The following TMEM220 variants were observed in gnomAD, a reference collection of about 807,000 sequenced individuals.
The protein encoded by TMEM220 is transmembrane protein 220.
TMEM220 carries 21 observed loss-of-function variants against 21.7 expected under a neutral mutation model. The observed-to-expected ratio is 0.97, with a 90% CI of 0.69 to 1.39. The LOEUF is 1.39. TMEM220 is among the 40% of genes most tolerant of loss of function. The pLI is 0.00. For synonymous variants in TMEM220, 80 were observed against 73.6 expected, an observed-to-expected ratio of 1.09 and a Z score of -0.45; for missense variants, 191 against 201.9, an observed-to-expected ratio of 0.95 and a Z score of 0.33.
intron 1 of TMEM220, among the ~76,000 whole-genome samples, 200 bp downstream of exon 1, chr17:10,729,580 G>A (rs1021098548): frequency 2.0e-5 from 3 of 152,162 alleles, no homozygotes; most frequent in Non-Finnish European, 4.4e-5. Flanking sequence ...GCCCTGGTAT[G>A]GGACTCGCTT....
chr17:10,714,855 AGGAC>A lies in TMEM220; in HGVS notation c.*594_*597del, dbSNP rs2074891208. 1 of 152,118 alleles carries A rather than the reference AGGAC, an allele frequency of 6.6e-6. No homozygotes were observed. The highest frequency in any genetic ancestry group is 1.5e-5 in the Non-Finnish European group (1 of 68,260). The allele number at this position is 152,118 out of a possible 1,614,324, so 9.4% of individuals were successfully genotyped here. A position where few individuals can be genotyped will look rare whatever the true frequency, so the allele number is the denominator to read the frequency against. ...AGGATCACCTGAGCCCCGGGAGGTC[AGGAC>A]TGCAGTGAGCCATGATCATGCCACT... On this transcript the variant is annotated 3_prime_UTR_variant, in exon 6 of 6. Transcript: ENST00000341871.
downstream of TMEM220, among the ~76,000 whole-genome samples, chr17:10,711,744 T>C (rs1402638344): frequency 6.6e-6 from 1 of 152,254 alleles, no homozygotes; most frequent in African/African-American, 2.4e-5. Context: ...TGGCCTGGTC[T>C]GTTTGGGCCA....
At chr17:10,720,803 A>ATT (rs2074979466) in intron 5 of TMEM220, among the ~76,000 whole-genome samples, 1 of 152,162 alleles carries the variant, frequency 6.6e-6, no homozygotes, top group Admixed American at 6.5e-5. Context: ...ACAAAAACAA[A>ATT]CAAGAGAACC....
chr17:10,711,236 C>G (rs567932336), downstream of TMEM220: 16 of 976,508 alleles, frequency 1.6e-5, no homozygotes, highest in African/African-American at 2.0e-4. Flanking sequence ...GTTTAGTATT[C>G]AGCTTGCATA....
At chr17:10,716,546 A>C (rs916986325) in intron 5 of TMEM220, 5 of 603,692 alleles carry the variant, frequency 8.3e-6, no homozygotes, top group African/African-American at 7.4e-5. Context: ...TGAACTTCTA[A>C]AAGAAAGCTG....
intron 5 of TMEM220, chr17:10,716,611 G>A: frequency 2.4e-6 from 1 of 424,638 alleles, no homozygotes; most frequent in South Asian, 2.0e-5. Flanking sequence ...ATAGACCTGT[G>A]ATCCCCTTGG....
downstream of TMEM220, chr17:10,711,188 CCCTCCT>C: frequency 6.9e-7 from 1 of 1,453,910 alleles, no homozygotes; most frequent in South Asian, 1.3e-5. Flanking sequence ...TTGTGTTTGT[CCCTCCT>C]AAACAAAAAA....
chr17:10,728,598 A>G (rs1332936670), intron 2 of TMEM220, among the ~76,000 whole-genome samples: 2 of 152,118 alleles, frequency 1.3e-5, no homozygotes, highest in Non-Finnish European at 2.9e-5. Flanking sequence ...GGCGTGAGCC[A>G]CCTTGCCCAG....
intron 1 of TMEM220, among the ~76,000 whole-genome samples, chr17:10,729,558 T>C (rs1314464206): frequency 1.3e-5 from 2 of 152,264 alleles, no homozygotes; most frequent in South Asian, 4.1e-4. Flanking sequence ...ACCAGCCCCT[T>C]CCAGGGTGTG....
chr17:10,725,065 G>A lies in TMEM220; in HGVS notation c.233C>T (p.Ala78Val), dbSNP rs140766709. The change falls in exon 4 of 6, where the codon GCG (alanine) becomes GTG (valine). Residue 78 changes from alanine (A) to valine (V), a missense_variant. By Grantham distance (64) the Ala-to-Val change is moderately conservative. Transcript: ENST00000341871. The part of the protein sequence containing the change: ...LFCTVWAVGL[A>V]SYLLHRTQQN... Reference sequence around the variant, plus strand: ...TTGTGTACGATGCAAGAGGTAGGACGCCAAGCCAACAGCCCACACCGTACA... The same window carrying A: ...TTGTGTACGATGCAAGAGGTAGGACACCAAGCCAACAGCCCACACCGTACA... 1.3e-5 allele frequency: 21 copies of A among 1,614,070 alleles called. No homozygotes were observed. Among genetic ancestry groups the A allele is most frequent in the African/African-American group, 1.2e-4 (9 of 74,986 alleles).
chr17:10,728,278 CTTTTCTTTGCTTTTTTTTTTTCTTTT>C (rs2075072644), intron 2 of TMEM220, among the ~76,000 whole-genome samples: 2 of 147,590 alleles, frequency 1.4e-5, no homozygotes, highest in Non-Finnish European at 3.0e-5. Context: ...GGATTTAATA[CTTTTCTTTGCTTTTTTTTTTTCTTTT>C]TTTTCTTTGC....
At chr17:10,727,344 C>T (rs2075060277) in intron 2 of TMEM220, among the ~76,000 whole-genome samples, 1 of 151,952 alleles carries the variant, frequency 6.6e-6, no homozygotes, top group Non-Finnish European at 1.5e-5. Flanking sequence ...CTCTCCAAGG[C>T]AGTGGTAAGG....
chr17:10,729,026 C>T lies in TMEM220; in HGVS notation c.102+5G>A. ...GAGGAAAGCCTGGAAGCGGCTCATA[C>T]TCACCACCCACACCTCTGCATCTGG... On this transcript the variant is annotated splice_donor_5th_base_variant and intron_variant, in intron 2 of 5. Transcript: ENST00000341871. 6.2e-7 allele frequency: 1 copy of T among 1,614,194 alleles called. No homozygotes were observed. Among genetic ancestry groups the T allele is most frequent in the South Asian group, 1.1e-5 (1 of 91,082 alleles).
At chr17:10,728,117 G>A (rs529381943) in intron 2 of TMEM220, among the ~76,000 whole-genome samples, 34 of 150,992 alleles carry the variant, frequency 2.3e-4, no homozygotes, top group Admixed American at 8.6e-4. Flanking sequence ...CCTAGATTGC[G>A]CCATTGCACT....
chr17:10,726,139 T>C, intron 3 of TMEM220, 65 bp downstream of exon 3: 2 of 1,368,858 alleles, frequency 1.5e-6, no homozygotes, highest in Non-Finnish European at 2.1e-6. Flanking sequence ...GTTGGGCAGA[T>C]AGACCCTCAT....
intron 5 of TMEM220, among the ~76,000 whole-genome samples, chr17:10,721,679 G>C (rs1457958428): frequency 6.8e-6 from 1 of 147,820 alleles, no homozygotes; most frequent in African/African-American, 2.5e-5. Flanking sequence ...ATAAGGTTCA[G>C]ATAAAACAAG....
intron 1 of TMEM220, 113 bp downstream of exon 1, chr17:10,729,667 C>T: frequency 1.1e-6 from 1 of 911,202 alleles, no homozygotes. Context: ...TCCCGTCCTC[C>T]CCACTAACTG....
chr17:10,721,149 G>A lies in TMEM220; in HGVS notation c.347+2121C>T, dbSNP rs187928662. 2.7e-3 allele frequency among the ~76,000 whole-genome samples: 404 copies of A among 152,162 alleles called. 5 individuals carry two copies. The highest frequency in any genetic ancestry group is 3.4e-3 in the Middle Eastern group (1 of 294). ...AAACATGATCCTGGGTATAACATGC[G>A]CCTGGAACATCTTGTCATACCAGAA... On this transcript the variant is annotated intron_variant, in intron 5 of 5. Coordinates refer to ENST00000341871, the MANE Select transcript of TMEM220 (RefSeq NM_001004313.3).
chr17:10,725,586 T>C (rs984752812), intron 3 of TMEM220, among the ~76,000 whole-genome samples: 2 of 152,216 alleles, frequency 1.3e-5, no homozygotes, highest in African/African-American at 2.4e-5. Context: ...ATCGTGAAGA[T>C]GTGAATGGGG....
Sources: gnomAD v4.1 joint callset for allele counts (sites outside exome capture counted in the v4.1 genomes callset) on GRCh38, gnomAD v4.1.1 for gene constraint, MANE v1.5 for transcripts, NCBI Gene and HGNC (gene_info 2026-07-23, HGNC 2026-07-21) for gene names.